The following DDC variants were observed in gnomAD, a reference collection of about 807,000 sequenced individuals.
DDC encodes dopa decarboxylase.
Under a neutral mutation model 60.0 loss-of-function variants are expected in DDC, and 43 were observed. The observed-to-expected ratio is 0.72, with a 90% CI of 0.56 to 0.92. The LOEUF (loss-of-function observed/expected upper bound fraction) is 0.92, where lower values mean the gene tolerates loss of function less well. Among genes scored for constraint, DDC ranks in the 40% least tolerant of loss-of-function variants. The pLI is 0.00. For missense variants in DDC, 573 were observed against 620.2 expected, an observed-to-expected ratio of 0.92 and a Z score of 0.81; for synonymous variants, 232 against 234.6, an observed-to-expected ratio of 0.99 and a Z score of 0.10.
Position 50,563,074 on chromosome 7 carries a change from G to A in DDC, c.-29+2211C>T, listed in dbSNP as rs113177733. On this transcript the variant is annotated intron_variant, in intron 1 of 14. Coordinates refer to ENST00000444124, the MANE Select transcript of DDC (RefSeq NM_001082971.2). ...TCCAGCTACTCAGGAGGCTGAGGCAGGAGAACTGCTTGAACTTGAGAGGTG... is the reference window on the plus strand; with the variant it reads ...TCCAGCTACTCAGGAGGCTGAGGCAAGAGAACTGCTTGAACTTGAGAGGTG... Among the ~76,000 whole-genome samples, 1,281 of 151,506 alleles carry A rather than the reference G, an allele frequency of 8.5e-3. 17 individuals are homozygous for A. Among genetic ancestry groups the A allele is most frequent in the African/African-American group, 0.03 (1,233 of 41,274 alleles).
At chr7:50,533,297 C>CTT (rs34002033) in intron 4 of DDC, among the ~76,000 whole-genome samples, 11 of 136,160 alleles carry the variant, frequency 8.1e-5, no homozygotes, top group African/African-American at 1.6e-4. Flanking sequence ...GGAAAGGGGA[C>CTT]TTTTTTTTTT....
intron 1 of DDC, among the ~76,000 whole-genome samples, chr7:50,561,905 A>G (rs1300302021): frequency 6.6e-6 from 1 of 151,884 alleles, no homozygotes; most frequent in Non-Finnish European, 1.5e-5. Context: ...ATACACAAGC[A>G]TACATGCATG....
intron 9 of DDC, among the ~76,000 whole-genome samples, chr7:50,489,256 C>T (rs1056345589): frequency 6.6e-6 from 1 of 152,156 alleles, no homozygotes. Flanking sequence ...ATCCTCCCAC[C>T]TCGGCCTCCC....
At chr7:50,527,143 GT>G (rs1219095731) in intron 6 of DDC, among the ~76,000 whole-genome samples, 5 of 152,168 alleles carry the variant, frequency 3.3e-5, no homozygotes, top group Non-Finnish European at 7.4e-5. Flanking sequence ...TATTTCGCAT[GT>G]TTTCCCACTG....
At chr7:50,512,174 A>AG (rs751497095) in intron 6 of DDC, among the ~76,000 whole-genome samples, 10 of 152,358 alleles carry the variant, frequency 6.6e-5, no homozygotes, top group South Asian at 6.2e-4. Flanking sequence ...CAAGATACAG[A>AG]TTAAAGGTAT....
chr7:50,469,992 A>G, intron 12 of DDC, 81 bp downstream of exon 12: 1 of 988,426 alleles, frequency 1.0e-6, no homozygotes, highest in Non-Finnish European at 1.6e-6. Context: ...AAAAAAAAAA[A>G]GAAAAAAAAT....
intron 1 of DDC, among the ~76,000 whole-genome samples, chr7:50,563,299 T>C (rs2045378384): frequency 6.6e-6 from 1 of 152,236 alleles, no homozygotes; most frequent in South Asian, 2.1e-4. Flanking sequence ...CTGATAGATG[T>C]TGACATTTGC....
intron 1 of DDC, among the ~76,000 whole-genome samples, chr7:50,549,749 C>T (rs1004043062): frequency 2.0e-5 from 3 of 151,812 alleles, no homozygotes; most frequent in African/African-American, 4.8e-5. Context: ...CCAATCCTCA[C>T]AGACGACTTC....
At chr7:50,465,987 G>T (rs2042387000) in intron 13 of DDC, among the ~76,000 whole-genome samples, 1 of 152,176 alleles carries the variant, frequency 6.6e-6, no homozygotes, top group Admixed American at 6.5e-5. Context: ...TCTGCTACCT[G>T]CAGGCTTTCC....
chr7:50,505,556 C>T (rs956081230), intron 6 of DDC, among the ~76,000 whole-genome samples: 3 of 152,202 alleles, frequency 2.0e-5, no homozygotes, highest in Admixed American at 6.5e-5. Flanking sequence ...ATGACTGCCT[C>T]GCATTTCACC....
In DDC at chr7:50,561,894, CAT is replaced by C. The variant is rs2045349361; in HGVS notation, c.-29+3389_-29+3390del. 3.3e-5 allele frequency among the ~76,000 whole-genome samples: 5 copies of C among 151,978 alleles called. No homozygotes were observed. In the South Asian group the frequency reaches 1.0e-3, roughly 32 times the overall value. Reference sequence around the variant, plus strand: ...CCATGCACACTTATGCATGCACACACATACACAAGCATACATGCATGCATGTT... The same window carrying C: ...CCATGCACACTTATGCATGCACACACACACAAGCATACATGCATGCATGTT... On this transcript the variant is annotated intron_variant, in intron 1 of 14. Coordinates refer to ENST00000444124, the MANE Select transcript of DDC (RefSeq NM_001082971.2).
At chr7:50,516,859 A>G (rs2043745255) in intron 6 of DDC, among the ~76,000 whole-genome samples, 1 of 152,076 alleles carries the variant, frequency 6.6e-6, no homozygotes, top group Non-Finnish European at 1.5e-5. Flanking sequence ...GAAAAATACA[A>G]CCCTCCTAGC....
At chr7:50,469,148 G>T (rs1375875391) in intron 12 of DDC, among the ~76,000 whole-genome samples, 1 of 148,946 alleles carries the variant, frequency 6.7e-6, no homozygotes, top group East Asian at 2.0e-4. Context: ...GTTTCACTAT[G>T]TTGGCCAGGC....
At chr7:50,551,466 C>G (rs2044991693) in intron 1 of DDC, among the ~76,000 whole-genome samples, 1 of 152,146 alleles carries the variant, frequency 6.6e-6, no homozygotes, top group African/African-American at 2.4e-5. Flanking sequence ...CTCCTGACCT[C>G]AAGTGATCCA....
intron 1 of DDC, among the ~76,000 whole-genome samples, chr7:50,555,878 A>C (rs972108185): frequency 6.6e-6 from 1 of 152,186 alleles, no homozygotes; most frequent in African/African-American, 2.4e-5. Flanking sequence ...CACCTGAGAG[A>C]ATGTCCTGGA....
rs990675425 is a variant in DDC at position 50,476,723 on chromosome 7, A to C, written c.1022-80T>G. ...CACACGCTAATCCTTTTCATTTTCCAGGTAAATTTCTTGTGTCTTCTAAGC... is the reference window on the plus strand; with the variant it reads ...CACACGCTAATCCTTTTCATTTTCCCGGTAAATTTCTTGTGTCTTCTAAGC... On this transcript the variant is annotated intron_variant, in intron 10 of 14. Transcript: ENST00000444124. 5.8e-6 allele frequency: 8 copies of C among 1,388,198 alleles called. No homozygotes were observed. In the African/African-American group the frequency reaches 1.1e-4, roughly 20 times the overall value. 86.0% of individuals were successfully genotyped at this position (1,388,198 alleles called of 1,614,324 possible).
chr7:50,496,232 T>TGC (rs2043124520), intron 8 of DDC, among the ~76,000 whole-genome samples: 2 of 152,188 alleles, frequency 1.3e-5, no homozygotes, highest in South Asian at 4.1e-4. Context: ...TACAGGCGTG[T>TGC]GCCACCACAC....
At chr7:50,542,886 G>C (rs3807554) in intron 2 of DDC, 2 of 152,286 alleles carry the variant, frequency 1.3e-5, no homozygotes, top group Admixed American at 1.3e-4. Flanking sequence ...CTGAGGCCTA[G>C]TCTCAACCCA....
At chr7:50,500,879 C>T (rs925496819) in intron 7 of DDC, among the ~76,000 whole-genome samples, 3 of 152,256 alleles carry the variant, frequency 2.0e-5, no homozygotes, top group African/African-American at 7.2e-5. Context: ...CAGAAGGGAA[C>T]TTACAGACCC....
Sources: gnomAD v4.1 joint callset for allele counts (sites outside exome capture counted in the v4.1 genomes callset) on GRCh38, gnomAD v4.1.1 for gene constraint, MANE v1.5 for transcripts, NCBI Gene and HGNC (gene_info 2026-07-23, HGNC 2026-07-21) for gene names.